The following GABBR1 variants were observed in gnomAD, a reference collection of about 807,000 sequenced individuals.
GABBR1 encodes gamma-aminobutyric acid type B receptor subunit 1, also known as GABA-B receptor, R1 subunit.
In GABBR1, 35 loss-of-function variants were observed where a neutral mutation model predicts 117.7. The ratio of observed to expected loss-of-function variants is 0.30; its 90% CI spans 0.23 to 0.39. GABBR1 has a LOEUF of 0.39. Among genes scored for constraint, GABBR1 ranks in the 10% least tolerant of loss-of-function variants. The pLI, the probability that GABBR1 is intolerant of heterozygous loss-of-function variation, is 1.00. For missense variants in GABBR1, 709 were observed against 1,241.8 expected, an observed-to-expected ratio of 0.57 and a Z score of 6.45; for synonymous variants, 442 against 486.6, an observed-to-expected ratio of 0.91 and a Z score of 1.21.
At position 29,627,520 on chromosome 6, in the gene GABBR1, T is replaced by A; in HGVS notation, c.623A>T (p.Asp208Val). ...GTGGTGGATGAGCTTGAGCTCATAG[T>A]CCGGCAGGATGTCCCTGCGGCTATT... ...DVNSRRDILPDYELKLIHHDS... is the reference protein window; with the variant it reads ...DVNSRRDILPVYELKLIHHDS... Residue 208 changes from aspartate (D) to valine (V), a missense_variant, in exon 6 of 23, where the codon GAC becomes GTC. Coordinates refer to ENST00000377034, the MANE Select transcript of GABBR1 (RefSeq NM_001470.4). This position sits in a 1 kb window ranked among gnomAD's most constrained non-coding sequence, Gnocchi z 4.4. The A allele has an allele frequency of 6.2e-7, 1 of 1,605,900 alleles. No individual in the cohort carries two copies.
chr6:29,627,429 G>C lies in GABBR1; in HGVS notation c.657+57C>G. On this transcript the variant is annotated intron_variant, in intron 6 of 22. Coordinates refer to ENST00000377034, the MANE Select transcript of GABBR1 (RefSeq NM_001470.4). The surrounding 1 kb of genome is among the most constrained non-coding windows in gnomAD (Gnocchi z 4.4). ...AGACAGATGGGGGCGCGTGCAGCTG[G>C]CTGGCCCCCTGCCCCGCAAGCCCCC... is the stretch of plus-strand genomic sequence containing the variant. 1 of 1,500,346 alleles carries C rather than the reference G, an allele frequency of 6.7e-7. No homozygotes were observed. The highest frequency in any genetic ancestry group is 9.0e-7 in the Non-Finnish European group (1 of 1,107,778). 92.9% of individuals were successfully genotyped at this position (1,500,346 alleles called of 1,614,324 possible). A position where few individuals can be genotyped will look rare whatever the true frequency, so the allele number is the denominator to read the frequency against.
At position 29,622,015 on chromosome 6, in the gene GABBR1, T is replaced by C; in HGVS notation, c.1065+89A>G. On this transcript the variant is annotated intron_variant, in intron 9 of 22. Coordinates refer to ENST00000377034, the MANE Select transcript of GABBR1 (RefSeq NM_001470.4). This position sits in a 1 kb window ranked among gnomAD's most constrained non-coding sequence, Gnocchi z 4.6. ...GCTATTGCCTCAGAGAATCAAAACC[T>C]GCCCCCGCCTGGCTTTCCTCTCCAA... 7.3e-6 allele frequency: 9 copies of C among 1,230,678 alleles called. No homozygotes were observed. Among genetic ancestry groups the C allele is most frequent in the East Asian group, 2.4e-5 (1 of 42,526 alleles). The allele number at this position is 1,230,678 out of a possible 1,614,324, so 76.2% of individuals were successfully genotyped here.
chr6:29,616,983 T>TAAAAAAAA, intron 11 of GABBR1, among the ~76,000 whole-genome samples: 1 of 71,680 alleles, frequency 1.4e-5, no homozygotes, highest in Non-Finnish European at 2.9e-5. Flanking sequence ...CCGTCTCTAC[T>TAAAAAAAA]AAAAAAAAAA....
chr6:29,632,528 CG>C lies in GABBR1; in HGVS notation c.1-144del. On this transcript the variant is annotated intron_variant, in intron 1 of 22. Transcript: ENST00000377034. The surrounding 1 kb of genome is among the most constrained non-coding windows in gnomAD (Gnocchi z 5.8). ...CCAAGAGAGCGCCCCGCGGAGGAGG[CG>C]GGGGCGGAGCCCCGCGCGGGGTGGG... 1 of 920,438 alleles carries C rather than the reference CG, an allele frequency of 1.1e-6. No homozygotes were observed. Among genetic ancestry groups the C allele is most frequent in the Non-Finnish European group, 1.5e-6 (1 of 660,204 alleles). The allele number at this position is 920,438 out of a possible 1,614,324, so 57.0% of individuals were successfully genotyped here. A position where few individuals can be genotyped will look rare whatever the true frequency, so the allele number is the denominator to read the frequency against.
rs1248467756 is a variant in GABBR1, at chr6:29,631,841, G to A, written c.86-242C>T. On this transcript the variant is annotated intron_variant, in intron 2 of 22. Transcript: ENST00000377034. The surrounding 1 kb of genome is among the most constrained non-coding windows in gnomAD (Gnocchi z 5.9). The stretch of plus-strand genomic sequence containing the variant: ...AACCCACAAGTGGGGAGGGAAGGGT[G>A]CTGGGTGGAGGTAAGAAAGAAAAGT... Among the ~76,000 whole-genome samples the A allele has an allele frequency of 6.6e-6, 1 of 152,068 alleles. No homozygotes were observed. Among genetic ancestry groups the A allele is most frequent in the East Asian group, 1.9e-4 (1 of 5,194 alleles).
At chr6:29,617,819 G>A (rs572549715) in intron 11 of GABBR1, among the ~76,000 whole-genome samples, 2 of 152,192 alleles carry the variant, frequency 1.3e-5, no homozygotes, top group African/African-American at 4.8e-5. Context: ...TCCTTACACA[G>A]GATGATGATG....
At chr6:29,616,406 C>T (rs1185521675) in intron 11 of GABBR1, among the ~76,000 whole-genome samples, 1 of 149,960 alleles carries the variant, frequency 6.7e-6, no homozygotes, top group Non-Finnish European at 1.5e-5. Context: ...CCGGACTTGG[C>T]TTGGAGCAGT....
chr6:29,608,162 G>A (rs1762149030), intron 16 of GABBR1, among the ~76,000 whole-genome samples: 1 of 152,168 alleles, frequency 6.6e-6, no homozygotes, highest in Non-Finnish European at 1.5e-5. Flanking sequence ...TCCTCCCTGT[G>A]TGGCAGTGGT....
chr6:29,616,132 C>T (rs577983049), intron 11 of GABBR1, among the ~76,000 whole-genome samples: 34 of 151,940 alleles, frequency 2.2e-4, no homozygotes, highest in African/African-American at 8.2e-4. Context: ...ACCTGGGAGG[C>T]GGAGGTTGCT....
intron 4 of GABBR1, among the ~76,000 whole-genome samples, chr6:29,629,603 C>T (rs1205711204): frequency 6.6e-6 from 1 of 152,102 alleles, no homozygotes; most frequent in African/African-American, 2.4e-5. Context: ...AAGTCCACCC[C>T]TGGATGGGAC....
intron 22 of GABBR1, among the ~76,000 whole-genome samples, chr6:29,603,975 G>A (rs1486341334): frequency 6.6e-6 from 1 of 152,086 alleles, no homozygotes; most frequent in Non-Finnish European, 1.5e-5. Context: ...GGAAAAAGTG[G>A]GGAAGGAGAG....
intron 11 of GABBR1, among the ~76,000 whole-genome samples, chr6:29,617,584 G>C (rs1162084731): frequency 6.6e-6 from 1 of 152,140 alleles, no homozygotes; most frequent in Non-Finnish European, 1.5e-5. Context: ...ATAGGCGTGA[G>C]CCACCGCGCC....
Position 29,606,801 on chromosome 6 carries a change from T to A in GABBR1, c.2217+96A>T. 1 of 991,950 alleles carries A rather than the reference T, an allele frequency of 1.0e-6. No homozygotes were observed. Among genetic ancestry groups the A allele is most frequent in the South Asian group, 1.4e-5 (1 of 69,898 alleles). The allele number at this position is 991,950 out of a possible 1,614,324, so 61.4% of individuals were successfully genotyped here. A position where few individuals can be genotyped will look rare whatever the true frequency, so the allele number is the denominator to read the frequency against. On this transcript the variant is annotated intron_variant, in intron 18 of 22. Transcript: ENST00000377034. The surrounding 1 kb of genome is among the most constrained non-coding windows in gnomAD (Gnocchi z 4.5). Reference sequence around the variant, plus strand: ...ATACGAGGAAGGCACTCTCTCCAAGTAGCTTCATCCCTCAAGACACACACA... The same window carrying A: ...ATACGAGGAAGGCACTCTCTCCAAGAAGCTTCATCCCTCAAGACACACACA...
Position 29,606,165 on chromosome 6 carries a change from C to CATCTGTGCT in GABBR1, c.2311+217_2311+225dup, listed in dbSNP as rs1761935198. 1.7e-6 allele frequency: 1 copy of CATCTGTGCT among 573,736 alleles called. No individual in the cohort carries two copies. The highest frequency in any genetic ancestry group is 3.1e-6 in the Non-Finnish European group (1 of 322,866). The allele number at this position is 573,736 out of a possible 1,614,324, so 35.5% of individuals were successfully genotyped here. The stretch of plus-strand genomic sequence containing the variant: ...GTTCCTCTGCTGAACACAAGTTCTT[C>CATCTGTGCT]ATCTGTGCTTTCTGTGCTTTGGGCC... On this transcript the variant is annotated intron_variant, in intron 19 of 22. Transcript: ENST00000377034. The surrounding 1 kb of genome is among the most constrained non-coding windows in gnomAD (Gnocchi z 4.5).
rs540730674 is a variant in GABBR1, at chr6:29,612,168, ATT to A, written c.1630+381_1630+382del. On this transcript the variant is annotated intron_variant, in intron 13 of 22. Transcript: ENST00000377034. ...AGGCACCTGCCACCACACCCAGCTAATTTTTTTTTTTTTTTTTGTATTTTTGG... is the reference window on the plus strand; with the variant it reads ...AGGCACCTGCCACCACACCCAGCTAATTTTTTTTTTTTTTTGTATTTTTGG... Among the ~76,000 whole-genome samples the A allele has an allele frequency of 5.1e-4, 70 of 137,562 alleles. No individual in the cohort carries two copies. In the South Asian group the frequency reaches 6.4e-3, roughly 13 times the overall value. 90.2% of individuals were successfully genotyped at this position (137,562 alleles called of 152,430 possible). A position where few individuals can be genotyped will look rare whatever the true frequency, so the allele number is the denominator to read the frequency against.
intron 5 of GABBR1, chr6:29,628,020 C>A (rs897161844): frequency 5.8e-6 from 7 of 1,214,828 alleles, no homozygotes; most frequent in Non-Finnish European, 7.2e-6. Context: ...GACTGACCGA[C>A]GGAGGGGAGG....
Position 29,607,628 on chromosome 6 carries a change from A to T in GABBR1, c.1993-410T>A, listed in dbSNP as rs740883. Reference sequence around the variant, plus strand: ...CCTACCCCACGCTCCAGCCATGCTGAACTACTCACTTTCTCTTCATCTACT... The same window carrying T: ...CCTACCCCACGCTCCAGCCATGCTGTACTACTCACTTTCTCTTCATCTACT... On this transcript the variant is annotated intron_variant, in intron 16 of 22. Coordinates refer to ENST00000377034, the MANE Select transcript of GABBR1 (RefSeq NM_001470.4). This position sits in a 1 kb window ranked among gnomAD's most constrained non-coding sequence, Gnocchi z 5.0. 0.098 allele frequency among the ~76,000 whole-genome samples: 14,880 copies of T among 152,166 alleles called. 853 individuals are homozygous for T. Among genetic ancestry groups the T allele is most frequent in the Middle Eastern group, 0.21 (60 of 292 alleles).
At chr6:29,628,200 G>A in intron 5 of GABBR1, 1 of 880,056 alleles carries the variant, frequency 1.1e-6, no homozygotes, top group Non-Finnish European at 1.4e-6. Flanking sequence ...GAGGGGAGGG[G>A]GGATGCAACC....
chr6:29,625,348 C>G (rs1353741715), intron 6 of GABBR1, among the ~76,000 whole-genome samples: 4 of 152,186 alleles, frequency 2.6e-5, no homozygotes, highest in Non-Finnish European at 5.9e-5. Flanking sequence ...CCCTCCACTT[C>G]TCTAAAGACA....
Sources: gnomAD v4.1 joint callset for allele counts (sites outside exome capture counted in the v4.1 genomes callset) on GRCh38, gnomAD v4.1.1 for gene constraint, Gnocchi (gnomAD v3.1) non-coding constraint, MANE v1.5 for transcripts, NCBI Gene and HGNC (gene_info 2026-07-23, HGNC 2026-07-21) for gene names.